The following SYNE1 variants were observed in gnomAD, a reference collection of about 807,000 sequenced individuals.
The protein encoded by SYNE1 is spectrin repeat containing nuclear envelope protein 1.
Under a neutral mutation model 1,111.0 loss-of-function variants are expected in SYNE1, and 616 were observed. That is an observed-to-expected ratio of 0.55 (90% confidence interval 0.52 to 0.59). The LOEUF (loss-of-function observed/expected upper bound fraction) is 0.59, where lower values mean the gene tolerates loss of function less well. SYNE1 is among the 20% of genes least tolerant of loss of function. The probability of loss-of-function intolerance (pLI) is 0.00; values close to 1 mark genes in which losing one functional copy is unlikely to be tolerated. For missense variants in SYNE1, 10,006 were observed against 10,417.0 expected (o/e 0.96, Z 1.72); for synonymous variants, 3,855 against 3,825.8 (o/e 1.01, Z -0.28).
intron 34 of SYNE1, among the ~76,000 whole-genome samples, chr6:152,431,686 G>A (rs1160728457): frequency 6.6e-6 from 1 of 152,000 alleles, no homozygotes; most frequent in Non-Finnish European, 1.5e-5. Context: ...ATTGCCCTAG[G>A]AAAAAAATAA....
intron 95 of SYNE1, among the ~76,000 whole-genome samples, chr6:152,286,795 T>G (rs1262849984): frequency 2.0e-5 from 3 of 152,248 alleles, no homozygotes; most frequent in South Asian, 2.1e-4. Context: ...CTTAATAATA[T>G]CTGTTGATGG....
At chr6:152,398,906 T>G (rs1455994295) in intron 48 of SYNE1, among the ~76,000 whole-genome samples, 175 bp from the exon 49 acceptor site, 1 of 152,198 alleles carries the variant, frequency 6.6e-6, no homozygotes, top group Non-Finnish European at 1.5e-5. Flanking sequence ...CAGTATGATC[T>G]ACAGCCATGA....
At chr6:152,562,413 G>A (rs2099397969) in intron 3 of SYNE1, among the ~76,000 whole-genome samples, 1 of 152,174 alleles carries the variant, frequency 6.6e-6, no homozygotes, top group African/African-American at 2.4e-5. Context: ...TGGTGAGGAT[G>A]TGGAGAAAAG....
At chr6:152,495,180 C>T (rs1256361171) in intron 11 of SYNE1, among the ~76,000 whole-genome samples, 4 of 152,184 alleles carry the variant, frequency 2.6e-5, no homozygotes, top group Admixed American at 6.5e-5. Flanking sequence ...TCCCACTCCT[C>T]AGGGAGTTCG....
intron 129 of SYNE1, among the ~76,000 whole-genome samples, chr6:152,178,628 C>A (rs980233524): frequency 1.3e-5 from 2 of 152,074 alleles, no homozygotes; most frequent in Admixed American, 6.5e-5. Flanking sequence ...ATTTATATTT[C>A]TTTTCAGAAT....
At chr6:152,244,360 T>C (rs1444650615) in intron 106 of SYNE1, among the ~76,000 whole-genome samples, 177 bp downstream of exon 106, 2 of 152,208 alleles carry the variant, frequency 1.3e-5, no homozygotes, top group African/African-American at 4.8e-5. Flanking sequence ...AAACAACTCA[T>C]TTCCTTGTAC....
chr6:152,497,161 C>G (rs910538372), intron 11 of SYNE1, among the ~76,000 whole-genome samples: 2 of 152,154 alleles, frequency 1.3e-5, no homozygotes, highest in South Asian at 4.1e-4. Flanking sequence ...CACATGGACA[C>G]GTTTGACACT....
At chr6:152,277,845 T>C (rs1359110035) in intron 98 of SYNE1, 6 of 556,388 alleles carry the variant, frequency 1.1e-5, no homozygotes, top group Non-Finnish European at 2.0e-5. Flanking sequence ...CATGTCAGAG[T>C]GCTTTTTGCC....
At position 152,447,464 on chromosome 6, in the gene SYNE1, C is replaced by T. The variant is rs751070936; in HGVS notation, c.3663G>A (p.Leu1221=). ...SSSFKALVTL[L]SEVEKMLSNF... is the part of the protein sequence containing the mutation. Reference sequence around the variant, plus strand: ...GTGTGAGTAAATGCTGTACCTCTGACAGCAGCGTCACAAGAGCCTTGAAAG... The same window carrying T: ...GTGTGAGTAAATGCTGTACCTCTGATAGCAGCGTCACAAGAGCCTTGAAAG... The change falls in exon 29 of 146, where the codon CTG becomes CTA. Residue 1221 remains leucine, a synonymous_variant. Coordinates refer to ENST00000367255, the MANE Select transcript of SYNE1 (RefSeq NM_182961.4). The T allele has an allele frequency of 1.1e-5, 18 of 1,614,182 alleles. No individual in the cohort carries two copies. Among genetic ancestry groups the T allele is most frequent in the Non-Finnish European group, 1.4e-5 (16 of 1,180,024 alleles).
chr6:152,483,194 A>G lies in SYNE1; in HGVS notation c.1241T>C (p.Ile414Thr). The change falls in exon 14 of 146, where the codon ATA becomes ACA. Residue 414 changes from isoleucine to threonine, a missense_variant. This residue lies in a region of SYNE1 where 1,971 missense variants were observed against 2,084.1 expected (regional missense o/e 0.95). Transcript: ENST00000367255. ...CTCCGCTCTGTACAGCCAGGCACCTATGGTGCCCAGAGGTGCAGGAAGAGA... is the reference window on the plus strand; with the variant it reads ...CTCCGCTCTGTACAGCCAGGCACCTGTGGTGCCCAGAGGTGCAGGAAGAGA... ...DKSLPAPLGT[I>T]GAWLYRAEVA... 1 of 1,613,756 alleles carries G rather than the reference A, an allele frequency of 6.2e-7. No individual in the cohort carries two copies. The highest frequency in any genetic ancestry group is 1.1e-5 in the South Asian group (1 of 91,074).
chr6:152,442,149 C>T lies in SYNE1; in HGVS notation c.3934G>A (p.Glu1312Lys), dbSNP rs200276242. ...GEGGLPDRGHEELRKLESTLD... is the reference protein window; with the variant it reads ...GEGGLPDRGHKELRKLESTLD... ...GTGCTCTCCAGCTTCCGCAGCTCCT[C>T]GTGGCCTCGGTCAGGCAGCCCCCCT... Residue 1312 changes from glutamate to lysine, a missense_variant, in exon 31 of 146, where the codon GAG (glutamate) becomes AAG (lysine). Around this residue, in one of 7 missense-constraint regions of SYNE1, gnomAD observed 1,971 missense variants for 2,084.1 expected, o/e 0.95. Coordinates refer to ENST00000367255, the MANE Select transcript of SYNE1 (RefSeq NM_182961.4). 438 of 1,613,942 alleles carry T rather than the reference C, an allele frequency of 2.7e-4. 2 individuals are homozygous for T. The East Asian group carries it at 8.5e-3, about 31-fold the overall frequency.
chr6:152,585,270 A>T (rs1582941807), intron 3 of SYNE1, among the ~76,000 whole-genome samples: 1 of 152,248 alleles, frequency 6.6e-6, no homozygotes, highest in South Asian at 2.1e-4. Flanking sequence ...TCTTTCCTTT[A>T]TAAATTACCC....
At position 152,288,702 on chromosome 6, in the gene SYNE1, C is replaced by T. The variant is rs191265139; in HGVS notation, c.18013-4530G>A. Among the ~76,000 whole-genome samples, 491 of 152,276 alleles carry T rather than the reference C, an allele frequency of 3.2e-3. 5 individuals carry two copies. Among genetic ancestry groups the T allele is most frequent in the African/African-American group, 9.8e-3 (409 of 41,552 alleles). ...GCTGGGACTACAGGCTGCACCACCA[C>T]GCCCAGCTAATTTTTGTATTTTCAG... is the stretch of plus-strand genomic sequence containing the variant. On this transcript the variant is annotated intron_variant, in intron 95 of 145. Coordinates refer to ENST00000367255, the MANE Select transcript of SYNE1 (RefSeq NM_182961.4).
At chr6:152,287,330 A>G (rs2094389606) in intron 95 of SYNE1, among the ~76,000 whole-genome samples, 1 of 152,160 alleles carries the variant, frequency 6.6e-6, no homozygotes, top group African/African-American at 2.4e-5. Flanking sequence ...GTGTCTGTAT[A>G]AATGTGATTC....
chr6:152,143,742 G>T lies in SYNE1; in HGVS notation c.25000C>A (p.Gln8334Lys). ...LSGDHSALES[Q>K]IRQLGKALDD... ...AGGGCTTTGCCCAGTTGTCGGATCTGTGACTCTAGGGCACTGTGGTCCCCT... is the reference window on the plus strand; with the variant it reads ...AGGGCTTTGCCCAGTTGTCGGATCTTTGACTCTAGGGCACTGTGGTCCCCT... Residue 8334 changes from glutamine (Q) to lysine (K), a missense_variant, in exon 138 of 146, where the codon CAG becomes AAG. By Grantham distance (53) the Gln-to-Lys change is moderately conservative. Coordinates refer to ENST00000367255, the MANE Select transcript of SYNE1 (RefSeq NM_182961.4). 3.1e-6 allele frequency: 5 copies of T among 1,614,182 alleles called. No homozygotes were observed. The highest frequency in any genetic ancestry group is 3.4e-6 in the Non-Finnish European group (4 of 1,180,042).
intron 34 of SYNE1, among the ~76,000 whole-genome samples, chr6:152,430,960 C>A (rs770719765): frequency 6.6e-6 from 1 of 152,070 alleles, no homozygotes; most frequent in Non-Finnish European, 1.5e-5. Flanking sequence ...CTCTTGCTTG[C>A]AGTGAAGTAA....
intron 11 of SYNE1, among the ~76,000 whole-genome samples, chr6:152,495,751 G>C (rs1325738543): frequency 1.3e-5 from 2 of 152,154 alleles, no homozygotes; most frequent in African/African-American, 4.8e-5. Context: ...AGCCTGTGCG[G>C]TCTAACCCTA....
intron 102 of SYNE1, 147 bp from the exon 103 acceptor site, chr6:152,255,893 T>A: frequency 1.0e-6 from 1 of 966,576 alleles, no homozygotes; most frequent in Non-Finnish European, 1.6e-6. Flanking sequence ...AGGTCAGGAG[T>A]TCAAGACTGG....
chr6:152,482,663 C>T (rs1024803157), intron 14 of SYNE1, among the ~76,000 whole-genome samples: 1 of 152,130 alleles, frequency 6.6e-6, no homozygotes, highest in Non-Finnish European at 1.5e-5. Context: ...CTACAGCCTC[C>T]ATTCCTTCTA....
Sources: allele counts gnomAD v4.1 joint callset (sites outside exome capture counted in the v4.1 genomes callset), GRCh38; gene constraint gnomAD v4.1.1; regional missense constraint gnomAD v4.1.1; transcripts MANE v1.5; gene names NCBI Gene and HGNC (gene_info 2026-07-23, HGNC 2026-07-21).